Variants in EVC observed in about 807,000 individuals in gnomAD.
The protein encoded by EVC is evC complex member EVC.
EVC carries 116 observed loss-of-function variants against 118.9 expected under a neutral mutation model. The ratio of observed to expected loss-of-function variants is 0.98; its 90% CI spans 0.84 to 1.14. The LOEUF (loss-of-function observed/expected upper bound fraction) is 1.14, where lower values mean the gene tolerates loss of function less well. Ranked by LOEUF, EVC falls within the 50% of genes most tolerant of loss-of-function variation. EVC has a pLI of 0.00. For synonymous variants in EVC, 619 were observed against 534.7 expected, an observed-to-expected ratio of 1.16 and a Z score of -2.18; for missense variants, 1,401 against 1,246.4, an observed-to-expected ratio of 1.12 and a Z score of -1.87.
chr4:5,718,664 G>T (rs1724391871), intron 1 of EVC, among the ~76,000 whole-genome samples: 1 of 152,154 alleles, frequency 6.6e-6, no homozygotes, highest in Non-Finnish European at 1.5e-5. Flanking sequence ...ATGTATTTGT[G>T]AATAACTGTA....
At chr4:5,712,327 C>A (rs1723176473) in intron 1 of EVC, among the ~76,000 whole-genome samples, 2 of 152,202 alleles carry the variant, frequency 1.3e-5, no homozygotes. Context: ...AAGCAACTTA[C>A]TAAAGTGACA....
In EVC at chr4:5,798,002, G is replaced by A. The variant is rs1156976962; in HGVS notation, c.2098-584G>A. ...TAGCCACCAAGCTCTGGGAGCAGCTGCTGCTCTTTGACCCATGAATGAGGC... is the reference window on the plus strand; with the variant it reads ...TAGCCACCAAGCTCTGGGAGCAGCTACTGCTCTTTGACCCATGAATGAGGC... On this transcript the variant is annotated intron_variant, in intron 14 of 20. Transcript: ENST00000264956. The surrounding 1 kb of genome is among the most constrained non-coding windows in gnomAD (Gnocchi z 4.1). Among the ~76,000 whole-genome samples, 1 of 152,216 alleles carries A rather than the reference G, an allele frequency of 6.6e-6. No individual in the cohort carries two copies. Among genetic ancestry groups the A allele is most frequent in the South Asian group, 2.1e-4 (1 of 4,836 alleles).
the EVC span, chr4:5,821,531 T>G: frequency 1.8e-6 from 1 of 545,658 alleles, no homozygotes; most frequent in Non-Finnish European, 3.3e-6. This position sits in a 1 kb window ranked among gnomAD's most constrained non-coding sequence, Gnocchi z 4.4. Context: ...GAAAACACCA[T>G]GCTCCGAGGT....
rs1577401021 is a variant in EVC, at chr4:5,743,363, C to A, written c.801+1549C>A. 3.9e-5 allele frequency among the ~76,000 whole-genome samples: 6 copies of A among 152,300 alleles called. No homozygotes were observed. The South Asian group carries it at 1.2e-3, about 32-fold the overall frequency. On this transcript the variant is annotated intron_variant, in intron 6 of 20. Coordinates refer to ENST00000264956, the MANE Select transcript of EVC (RefSeq NM_153717.3). The surrounding 1 kb of genome is among the most constrained non-coding windows in gnomAD (Gnocchi z 4.7). Reference sequence around the variant, plus strand: ...ATCATTATTCTCGTTACTACTATCACCAGCCTCTTATTCATCATCCCCTGC... The same window carrying A: ...ATCATTATTCTCGTTACTACTATCAACAGCCTCTTATTCATCATCCCCTGC...
In EVC at chr4:5,744,968, G is replaced by GTTTTTTTTT. The variant is rs112283154; in HGVS notation, c.802-228_802-220dup. ...TTATTGATTTTTAAAGTATGGTCTA[G>GTTTTTTTTT]TTTTTTTTTTTTTTTTGAGGGAGGA... is the stretch of plus-strand genomic sequence containing the variant. On this transcript the variant is annotated intron_variant, in intron 6 of 20. Transcript: ENST00000264956. 1.3e-4 allele frequency among the ~76,000 whole-genome samples: 18 copies of GTTTTTTTTT among 139,900 alleles called. 2 individuals carry two copies. The highest frequency in any genetic ancestry group is 1.1e-4 in the Non-Finnish European group (7 of 64,642). The allele number at this position is 139,900 out of a possible 152,430, so 91.8% of individuals were successfully genotyped here.
intron 11 of EVC, among the ~76,000 whole-genome samples, chr4:5,759,882 G>A (rs555028964): frequency 6.6e-5 from 10 of 152,276 alleles, no homozygotes; most frequent in African/African-American, 2.4e-4. Context: ...GACACAGCGT[G>A]GTTTTATACA....
In EVC at chr4:5,711,451, C is replaced by T. The variant is rs966782465; in HGVS notation, c.71C>T (p.Ala24Val). 3 of 1,029,646 alleles carry T rather than the reference C, an allele frequency of 2.9e-6. No homozygotes were observed. Among genetic ancestry groups the T allele is most frequent in the Admixed American group, 5.5e-5 (1 of 18,062 alleles). 63.8% of individuals were successfully genotyped at this position (1,029,646 alleles called of 1,614,324 possible). Residue 24 changes from alanine (A) to valine (V), a missense_variant, in exon 1 of 21, where the codon GCG (alanine) becomes GTG (valine). Ala to Val is a moderately conservative substitution (Grantham distance 64). Coordinates refer to ENST00000264956, the MANE Select transcript of EVC (RefSeq NM_153717.3). Reference sequence around the variant, plus strand: ...CTGGGGCGGGACGCGCTGCGGCCGGCGCCCGCCCTGCTGGCCCCCGCCGTG... The same window carrying T: ...CTGGGGCGGGACGCGCTGCGGCCGGTGCCCGCCCTGCTGGCCCCCGCCGTG... ...LLLGRDALRP[A>V]PALLAPAVLL...
chr4:5,803,964 T>C (rs1160098648), intron 16 of EVC, among the ~76,000 whole-genome samples: 2 of 150,188 alleles, frequency 1.3e-5, no homozygotes, highest in Non-Finnish European at 3.0e-5. Context: ...TTTTTGAGAC[T>C]GAGTCTCACT....
At chr4:5,808,157 CCCTT>C (rs757400119) in intron 17 of EVC, 40 bp from the exon 18 acceptor site, 3 of 1,076,076 alleles carry the variant, frequency 2.8e-6, no homozygotes, top group Non-Finnish European at 1.4e-6. Context: ...CTCCCTCCCT[CCCTT>C]CCTTCCTCCC....
Position 5,719,730 on chromosome 4 carries a change from T to C in EVC, c.300+357T>C, listed in dbSNP as rs1350545220. 6.6e-6 allele frequency among the ~76,000 whole-genome samples: 1 copy of C among 152,194 alleles called. No homozygotes were observed. The highest frequency in any genetic ancestry group is 1.5e-5 in the Non-Finnish European group (1 of 68,040). ...GTTCTGGAACCTTATGCAAATGGAATTGTGCTGTTCTGTGCCTGTGTTCCC... is the reference window on the plus strand; with the variant it reads ...GTTCTGGAACCTTATGCAAATGGAACTGTGCTGTTCTGTGCCTGTGTTCCC... On this transcript the variant is annotated intron_variant, in intron 2 of 20. Coordinates refer to ENST00000264956, the MANE Select transcript of EVC (RefSeq NM_153717.3). This position sits in a 1 kb window ranked among gnomAD's most constrained non-coding sequence, Gnocchi z 4.7.
At position 5,749,844 on chromosome 4, in the gene EVC, C is replaced by G. The variant is rs1375419771; in HGVS notation, c.1098+1538C>G. The stretch of plus-strand genomic sequence containing the variant: ...CAAGCCTCAACGGATCTTTGCCTCC[C>G]CTTGCACACCACATGCCTCTCCCAA... On this transcript the variant is annotated intron_variant, in intron 8 of 20. Transcript: ENST00000264956. This position sits in a 1 kb window ranked among gnomAD's most constrained non-coding sequence, Gnocchi z 4.4. Among the ~76,000 whole-genome samples the G allele has an allele frequency of 2.0e-5, 3 of 152,152 alleles. No individual in the cohort carries two copies. The highest frequency in any genetic ancestry group is 7.2e-5 in the African/African-American group (3 of 41,442).
intron 12 of EVC, among the ~76,000 whole-genome samples, chr4:5,785,414 G>C (rs1296110040): frequency 6.6e-6 from 1 of 152,232 alleles, no homozygotes; most frequent in African/African-American, 2.4e-5. Flanking sequence ...CAAAAGACCA[G>C]TGTGACTGAT....
At chr4:5,750,033 C>T (rs189895297) in intron 8 of EVC, among the ~76,000 whole-genome samples, 6 of 152,216 alleles carry the variant, frequency 3.9e-5, no homozygotes, top group East Asian at 3.9e-4. Context: ...TGCTTTTTCT[C>T]GGTATATACA....
rs546318095 is a variant in EVC, at chr4:5,711,346, C to A, written c.-35C>A. The A allele has an allele frequency of 5.9e-3, 5,978 of 1,006,604 alleles. 21 individuals are homozygous for A. The highest frequency in any genetic ancestry group is 6.8e-3 in the Non-Finnish European group (5,723 of 844,754). 62.4% of individuals were successfully genotyped at this position (1,006,604 alleles called of 1,614,324 possible). A position where few individuals can be genotyped will look rare whatever the true frequency, so the allele number is the denominator to read the frequency against. Reference sequence around the variant, plus strand: ...CTGGCGGGGACGGTGCAGCAGGCGGCGGGATGCGGCGGGGCGGCAGCCTGA... The same window carrying A: ...CTGGCGGGGACGGTGCAGCAGGCGGAGGGATGCGGCGGGGCGGCAGCCTGA... On this transcript the variant is annotated 5_prime_UTR_variant, in exon 1 of 21. Coordinates refer to ENST00000264956, the MANE Select transcript of EVC (RefSeq NM_153717.3).
chr4:5,729,200 T>G, intron 2 of EVC, 107 bp from the exon 3 acceptor site: 1 of 1,004,468 alleles, frequency 1.0e-6, no homozygotes, highest in South Asian at 1.3e-5. Context: ...CATGGTCCCT[T>G]TCTGAGGCTG....
In EVC at chr4:5,790,233, G is replaced by GT. The variant is rs1712523251; in HGVS notation, c.1777-3375_1777-3374insT. Reference sequence around the variant, plus strand: ...TGTGCAGAATTTTCTAGAATATTCTGGTTTCCCTAGCACTCCAATAGATTA... The same window carrying GT: ...TGTGCAGAATTTTCTAGAATATTCTGTGTTTCCCTAGCACTCCAATAGATTA... On this transcript the variant is annotated intron_variant, in intron 12 of 20. Coordinates refer to ENST00000264956, the MANE Select transcript of EVC (RefSeq NM_153717.3). Among the ~76,000 whole-genome samples, 6 of 150,538 alleles carry GT rather than the reference G, an allele frequency of 4.0e-5. No individual in the cohort carries two copies. The South Asian group carries it at 1.3e-3, about 32-fold the overall frequency.
chr4:5,791,148 G>A (rs1560414441), intron 12 of EVC, among the ~76,000 whole-genome samples: 1 of 152,180 alleles, frequency 6.6e-6, no homozygotes, highest in Non-Finnish European at 1.5e-5. Context: ...AATTGGATTA[G>A]TTAATGGAAT....
In EVC at chr4:5,793,656, C is replaced by T. The variant is rs748220728; in HGVS notation, c.1825C>T (p.Arg609Trp). The change falls in exon 13 of 21, where the codon CGG becomes TGG. Residue 609 changes from arginine to tryptophan, a missense_variant. Arg to Trp is a moderately radical substitution (Grantham distance 101). Transcript: ENST00000264956. ...GTCCAGCGTGCTGCAGACACACCTG[C>T]GGGAGGACCACGAGGGCACCATCCG... ...ALSSVLQTHL[R>W]EDHEGTIRGV... is the part of the protein sequence containing the mutation. 3.5e-5 allele frequency: 54 copies of T among 1,552,892 alleles called. No individual in the cohort carries two copies. Among genetic ancestry groups the T allele is most frequent in the East Asian group, 1.5e-4 (6 of 41,178 alleles).
At chr4:5,826,485 C>T in the EVC span, 442 of 152,542 alleles carry the variant, frequency 2.9e-3, 5 homozygotes, top group Middle Eastern at 0.02. Flanking sequence ...TGCAGGAGGA[C>T]GAGGAAGGAG....
Sources: gnomAD v4.1 joint callset for allele counts (sites outside exome capture counted in the v4.1 genomes callset) on GRCh38, gnomAD v4.1.1 for gene constraint, Gnocchi (gnomAD v3.1) non-coding constraint, MANE v1.5 for transcripts, NCBI Gene and HGNC (gene_info 2026-07-23, HGNC 2026-07-21) for gene names.